Variants in CTCF observed in about 807,000 individuals in gnomAD.
The protein encoded by CTCF is transcriptional repressor CTCF.
Under a neutral mutation model 72.3 loss-of-function variants are expected in CTCF, and 7 were observed. That is an observed-to-expected ratio of 0.10 (90% CI 0.06 to 0.18). The LOEUF is 0.18. CTCF is among the 10% of genes least tolerant of loss of function. CTCF has a pLI of 1.00. For synonymous variants in CTCF, 374 were observed against 315.8 expected (o/e 1.18, Z -1.95); for missense variants, 516 against 949.1 (o/e 0.54, Z 6.00).
At chr16:67,566,866 C>T (rs1003598615) in intron 1 of CTCF, among the ~76,000 whole-genome samples, 2 of 151,326 alleles carry the variant, frequency 1.3e-5, no homozygotes, top group Non-Finnish European at 2.9e-5. Flanking sequence ...CCACCGTGCC[C>T]GGCCTGTGGG....
intron 7 of CTCF, among the ~76,000 whole-genome samples, chr16:67,624,530 T>G (rs2052255594): frequency 6.6e-6 from 1 of 152,156 alleles, no homozygotes; most frequent in African/African-American, 2.4e-5. Context: ...CTCTTACTTC[T>G]TTAAACTTTC....
chr16:67,603,217 C>CA (rs566572586), intron 2 of CTCF, among the ~76,000 whole-genome samples: 15 of 148,242 alleles, frequency 1.0e-4, no homozygotes, highest in East Asian at 5.9e-4. Context: ...CACACCTCTA[C>CA]AAAAAAAAAA....
chr16:67,609,869 G>A (rs1228253146), intron 2 of CTCF, among the ~76,000 whole-genome samples: 1 of 151,850 alleles, frequency 6.6e-6, no homozygotes, highest in African/African-American at 2.4e-5. Context: ...CCGGTAATCT[G>A]CCCGCCTCAG....
chr16:67,601,294 C>CGT (rs58241150), intron 2 of CTCF, among the ~76,000 whole-genome samples: 13,257 of 98,502 alleles, frequency 0.13, 971 homozygotes, highest in Non-Finnish European at 0.17. Flanking sequence ...ACTCTGTCAC[C>CGT]GTGTGTGTGT....
At chr16:67,636,365 C>CTT (rs1225297718) in intron 10 of CTCF, among the ~76,000 whole-genome samples, 2 of 137,156 alleles carry the variant, frequency 1.5e-5, no homozygotes, top group African/African-American at 5.5e-5. Flanking sequence ...GAGTGAGACT[C>CTT]TGTCTCAAAA....
Position 67,610,968 on chromosome 16 carries a change from G to A in CTCF, c.136G>A (p.Asp46Asn), listed in dbSNP as rs2052054114. The A allele has an allele frequency of 6.3e-7, 1 of 1,595,754 alleles. No homozygotes were observed. The highest frequency in any genetic ancestry group is 8.6e-7 in the Non-Finnish European group (1 of 1,165,574). The change falls in exon 3 of 12, where the codon GAT becomes AAT. Residue 46 changes from aspartate to asparagine, a missense_variant. This residue lies in a region of CTCF where 148 missense variants were observed against 194.9 expected (regional missense o/e 0.76). Coordinates refer to ENST00000264010, the MANE Select transcript of CTCF (RefSeq NM_006565.4). ...CTGCCACTTACCCCAGAACCAGACG[G>A]ATGGGGGTGAGGTGGTCCAGGATGT... is the stretch of plus-strand genomic sequence containing the variant. ...DACHLPQNQTDGGEVVQDVNS... is the reference protein window; with the variant it reads ...DACHLPQNQTNGGEVVQDVNS...
chr16:67,601,250 G>GT lies in CTCF; in HGVS notation c.-9-9573dup, dbSNP rs1247987657. Among the ~76,000 whole-genome samples the GT allele has an allele frequency of 2.4e-4, 33 of 140,186 alleles. 1 individual carries two copies. The Middle Eastern group carries it at 0.011, about 47-fold the overall frequency. 92.0% of individuals were successfully genotyped at this position (140,186 alleles called of 152,430 possible). A position where few individuals can be genotyped will look rare whatever the true frequency, so the allele number is the denominator to read the frequency against. The stretch of plus-strand genomic sequence containing the variant: ...TGTGTGTGTGTGTGTGTGTGTGTGT[G>GT]TGTGTTTTGTTTTGTTTTTTAAGAC... On this transcript the variant is annotated intron_variant, in intron 2 of 11. Transcript: ENST00000264010.
chr16:67,638,399 CA>C lies in CTCF; in HGVS notation c.*530del, dbSNP rs1217084305. On this transcript the variant is annotated 3_prime_UTR_variant, in exon 12 of 12. Transcript: ENST00000264010. ...CCTGAAAGCTTTGCCTCTTTCTTGG[CA>C]AAGTTTCTGGTATGGTCAAGCTTGT... 8.9e-6 allele frequency: 2 copies of C among 225,782 alleles called. No individual in the cohort carries two copies. Among genetic ancestry groups the C allele is most frequent in the African/African-American group, 4.5e-5 (2 of 44,926 alleles). The allele number at this position is 225,782 out of a possible 1,614,324, so 14.0% of individuals were successfully genotyped here. A position where few individuals can be genotyped will look rare whatever the true frequency, so the allele number is the denominator to read the frequency against.
intron 2 of CTCF, among the ~76,000 whole-genome samples, chr16:67,607,194 T>C (rs2051985564): frequency 6.6e-6 from 1 of 152,078 alleles, no homozygotes; most frequent in Non-Finnish European, 1.5e-5. Flanking sequence ...TGACTTCAAG[T>C]GATCTGCCCG....
intron 4 of CTCF, 88 bp downstream of exon 4, chr16:67,612,209 T>C (rs919233801): frequency 1.6e-6 from 2 of 1,257,360 alleles, no homozygotes; most frequent in Non-Finnish European, 2.2e-6. Context: ...AGCGGGAATT[T>C]AAAGGAAGTT....
In CTCF at chr16:67,611,071, G is replaced by A. The variant is rs2142824365; in HGVS notation, c.239G>A (p.Gly80Asp). The change falls in exon 3 of 12, where the codon GGC becomes GAC. Residue 80 changes from glycine to aspartate, a missense_variant. Around this residue, in one of 7 missense-constraint regions of CTCF, gnomAD observed 148 missense variants for 194.9 expected, o/e 0.76. Transcript: ENST00000264010. ...LLQMKTEVME[G>D]TVAPEAEAAV... ...CAGATGAAGACTGAAGTAATGGAGG[G>A]CACAGTGGCTCCAGAAGCAGAGGCT... 1.2e-6 allele frequency: 2 copies of A among 1,614,166 alleles called. No homozygotes were observed. The highest frequency in any genetic ancestry group is 1.7e-6 in the Non-Finnish European group (2 of 1,180,036).
intron 7 of CTCF, 38 bp downstream of exon 7, chr16:67,621,629 T>C (rs1376751493): frequency 1.3e-6 from 2 of 1,495,072 alleles, no homozygotes; most frequent in East Asian, 2.3e-5. Flanking sequence ...AAAAAATATT[T>C]TGAAGGATTT....
At chr16:67,586,491 G>A (rs1038283280) in intron 2 of CTCF, among the ~76,000 whole-genome samples, 10 of 148,994 alleles carry the variant, frequency 6.7e-5, no homozygotes, top group Non-Finnish European at 1.0e-4. Context: ...AGCCGAGATC[G>A]CGCCACTGCA....
intron 1 of CTCF, among the ~76,000 whole-genome samples, chr16:67,564,398 C>G (rs574749132): frequency 6.6e-6 from 1 of 152,204 alleles, no homozygotes; most frequent in African/African-American, 2.4e-5. Context: ...CCAAAGTTGT[C>G]CAGTCCACTG....
chr16:67,629,122 G>A (rs918446706), intron 9 of CTCF, among the ~76,000 whole-genome samples: 14 of 146,294 alleles, frequency 9.6e-5, no homozygotes, highest in African/African-American at 3.6e-4. Context: ...TTAGCTAGCT[G>A]TAGCCTGTTC....
At chr16:67,634,327 C>T (rs2052401466) in intron 10 of CTCF, among the ~76,000 whole-genome samples, 1 of 151,998 alleles carries the variant, frequency 6.6e-6, no homozygotes, top group Non-Finnish European at 1.5e-5. Context: ...CATACCTCAG[C>T]CTCCTAAGTA....
chr16:67,631,650 T>C (rs954876007), intron 10 of CTCF, among the ~76,000 whole-genome samples: 3 of 151,108 alleles, frequency 2.0e-5, no homozygotes, highest in African/African-American at 7.3e-5. Context: ...CTAAGCTGTT[T>C]ATGTTTGGAT....
At chr16:67,636,649 C>A in intron 10 of CTCF, 41 bp from the exon 11 acceptor site, 1 of 1,517,048 alleles carries the variant, frequency 6.6e-7, no homozygotes, top group Non-Finnish European at 8.9e-7. Flanking sequence ...CACCACCCTT[C>A]TCCTTGCCCC....
Position 67,638,432 on chromosome 16 carries a change from CTT to C in CTCF, c.*566_*567del, listed in dbSNP as rs1289394738. The C allele has an allele frequency of 4.4e-6, 1 of 224,844 alleles. No homozygotes were observed. The highest frequency in any genetic ancestry group is 8.9e-6 in the Non-Finnish European group (1 of 112,720). The allele number at this position is 224,844 out of a possible 1,614,324, so 13.9% of individuals were successfully genotyped here. ...CTGGTATGGTCAAGCTTGTAAATAA[CTT>C]TTTTTACATTTTAATCTTTTCCATT... On this transcript the variant is annotated 3_prime_UTR_variant, in exon 12 of 12. Transcript: ENST00000264010.
Sources: allele counts gnomAD v4.1 joint callset (sites outside exome capture counted in the v4.1 genomes callset), GRCh38; gene constraint gnomAD v4.1.1; regional missense constraint gnomAD v4.1.1; transcripts MANE v1.5; gene names NCBI Gene and HGNC (gene_info 2026-07-23, HGNC 2026-07-21).